NTNG1: variants seen among roughly 807,000 people sequenced by gnomAD.
The protein encoded by NTNG1 is netrin-G1.
In NTNG1, 16 loss-of-function variants were observed where a neutral mutation model predicts 54.0. The ratio of observed to expected loss-of-function variants is 0.30; its 90% CI spans 0.20 to 0.45. The LOEUF is 0.45. Ranked by LOEUF, NTNG1 falls within the 20% of genes least tolerant of loss-of-function variation. The pLI is 1.00. For synonymous variants in NTNG1, 255 were observed against 263.1 expected, an observed-to-expected ratio of 0.97 and a Z score of 0.30; for missense variants, 530 against 678.7, an observed-to-expected ratio of 0.78 and a Z score of 2.43.
intron 2 of NTNG1, among the ~76,000 whole-genome samples, chr1:107,233,066 C>A (rs1661176518): frequency 1.3e-5 from 2 of 152,048 alleles, no homozygotes; most frequent in South Asian, 4.2e-4. Flanking sequence ...ACTTTTGTTT[C>A]AAGGTTGTCT....
At position 107,449,585 on chromosome 1, in the gene NTNG1, T is replaced by C. The variant is rs562543673; in HGVS notation, c.1390+12786T>C. On this transcript the variant is annotated intron_variant, in intron 7 of 7. Coordinates refer to ENST00000370068, the MANE Select transcript of NTNG1 (RefSeq NM_001113226.3). Reference sequence around the variant, plus strand: ...GACTGTGGGAAGCTTTATAAAGACATGTTCCCTAGATGGTCAGTGATTTCT... The same window carrying C: ...GACTGTGGGAAGCTTTATAAAGACACGTTCCCTAGATGGTCAGTGATTTCT... 3.3e-5 allele frequency among the ~76,000 whole-genome samples: 5 copies of C among 152,092 alleles called. No individual in the cohort carries two copies. In the East Asian group the frequency reaches 9.7e-4, roughly 29 times the overall value.
intron 3 of NTNG1, among the ~76,000 whole-genome samples, chr1:107,338,836 TAATAAAACACAAA>T (rs376222941): frequency 2.3e-4 from 33 of 142,332 alleles, no homozygotes; most frequent in African/African-American, 8.6e-4. Context: ...AAAATAATAA[TAATAAAACACAAA>T]GATAAAACAA....
At chr1:107,369,349 G>A (rs994914277) in intron 3 of NTNG1, among the ~76,000 whole-genome samples, 3 of 152,048 alleles carry the variant, frequency 2.0e-5, no homozygotes, top group Non-Finnish European at 4.4e-5. Flanking sequence ...GTTATAATAC[G>A]TTACATTCGC....
chr1:107,344,353 T>G (rs993502394), intron 3 of NTNG1, among the ~76,000 whole-genome samples: 19 of 152,136 alleles, frequency 1.2e-4, no homozygotes, highest in African/African-American at 4.6e-4. Flanking sequence ...TTGTTTGTTG[T>G]TTTGTTTTGT....
At chr1:107,292,743 C>T (rs1665697676) in intron 2 of NTNG1, among the ~76,000 whole-genome samples, 1 of 152,052 alleles carries the variant, frequency 6.6e-6, no homozygotes, top group Non-Finnish European at 1.5e-5. Flanking sequence ...TGCTAGCAGG[C>T]CACTGTGCAT....
chr1:107,298,431 G>A (rs1260745092), intron 2 of NTNG1, among the ~76,000 whole-genome samples: 1 of 152,116 alleles, frequency 6.6e-6, no homozygotes, highest in African/African-American at 2.4e-5. Flanking sequence ...AGGAAATACT[G>A]AGTTGTTATT....
intron 2 of NTNG1, among the ~76,000 whole-genome samples, chr1:107,217,589 T>C (rs558554352): frequency 2.6e-5 from 4 of 152,232 alleles, no homozygotes; most frequent in Non-Finnish European, 4.4e-5. Context: ...AGGCATTTAA[T>C]GCTATGAACT....
At chr1:107,206,678 A>G (rs1302377893) in intron 2 of NTNG1, among the ~76,000 whole-genome samples, 1 of 152,194 alleles carries the variant, frequency 6.6e-6, no homozygotes, top group African/African-American at 2.4e-5. Flanking sequence ...CTGAAAAATC[A>G]AATATGTAAG....
At chr1:107,366,416 A>G (rs572306925) in intron 3 of NTNG1, among the ~76,000 whole-genome samples, 4 of 152,344 alleles carry the variant, frequency 2.6e-5, no homozygotes, top group African/African-American at 9.6e-5. Context: ...ATCTGTCTCA[A>G]AATAAAGTTT....
chr1:107,220,187 C>T (rs1390236168), intron 2 of NTNG1, among the ~76,000 whole-genome samples: 1 of 152,190 alleles, frequency 6.6e-6, no homozygotes, highest in Admixed American at 6.5e-5. Context: ...TCACCCAGAT[C>T]CCATGCAGCC....
At chr1:107,142,450 G>T (rs1250967878) in intron 1 of NTNG1, among the ~76,000 whole-genome samples, 1 of 151,998 alleles carries the variant, frequency 6.6e-6, no homozygotes, top group East Asian at 1.9e-4. Context: ...ATCAGGTACA[G>T]ATTTCCAGTG....
chr1:107,475,630 T>C (rs1678267632), intron 7 of NTNG1, among the ~76,000 whole-genome samples: 1 of 152,360 alleles, frequency 6.6e-6, no homozygotes, highest in South Asian at 2.1e-4. Flanking sequence ...ACTATCTTCC[T>C]GATCTAGAAA....
intron 2 of NTNG1, among the ~76,000 whole-genome samples, chr1:107,295,358 T>A (rs189031571): frequency 6.6e-6 from 1 of 152,212 alleles, no homozygotes; most frequent in Non-Finnish European, 1.5e-5. Flanking sequence ...CTTGCTTCTA[T>A]GGTGGATTAA....
At chr1:107,326,455 A>T (rs1667957180) in intron 3 of NTNG1, among the ~76,000 whole-genome samples, 1 of 152,138 alleles carries the variant, frequency 6.6e-6, no homozygotes, top group African/African-American at 2.4e-5. Context: ...TATACTTATG[A>T]ACATTTTAGC....
chr1:107,422,413 G>A (rs1264568824), intron 5 of NTNG1, among the ~76,000 whole-genome samples: 1 of 152,014 alleles, frequency 6.6e-6, no homozygotes, highest in Non-Finnish European at 1.5e-5. Flanking sequence ...AGATATATAA[G>A]AGGCCTCTGA....
intron 2 of NTNG1, among the ~76,000 whole-genome samples, chr1:107,267,072 A>G (rs1050974901): frequency 3.3e-5 from 5 of 152,222 alleles, no homozygotes; most frequent in African/African-American, 1.2e-4. Context: ...TCAAGAATAT[A>G]ATTCAGAAAC....
chr1:107,449,885 T>C (rs777196317), intron 7 of NTNG1, among the ~76,000 whole-genome samples: 3 of 152,084 alleles, frequency 2.0e-5, no homozygotes, highest in Non-Finnish European at 2.9e-5. Context: ...ATGATTAGCA[T>C]TGCACTGAAA....
At chr1:107,335,058 C>T in intron 3 of NTNG1, among the ~76,000 whole-genome samples, 1 of 151,972 alleles carries the variant, frequency 6.6e-6, no homozygotes. Context: ...CTTCAGATAA[C>T]AGAGTAAGCT....
intron 2 of NTNG1, among the ~76,000 whole-genome samples, chr1:107,288,248 G>A (rs531504021): frequency 3.7e-4 from 57 of 152,124 alleles, no homozygotes; most frequent in Non-Finnish European, 6.8e-4. Context: ...AAGGGTCTAG[G>A]AGGATGTTAA....
Sources: allele counts gnomAD v4.1 joint callset (sites outside exome capture counted in the v4.1 genomes callset), GRCh38; gene constraint gnomAD v4.1.1; transcripts MANE v1.5; gene names NCBI Gene and HGNC (gene_info 2026-07-23, HGNC 2026-07-21).